RYR2: variants seen among roughly 807,000 people sequenced by gnomAD.
RYR2 encodes the protein cardiac muscle ryanodine receptor-calcium release channel.
A neutral mutation model predicts 601.1 loss-of-function variants in RYR2; 227 were observed. The observed-to-expected ratio is 0.38, with a 90% CI of 0.34 to 0.42. RYR2 has a LOEUF of 0.42. Among genes scored for constraint, RYR2 ranks in the 10% least tolerant of loss-of-function variants. The probability of loss-of-function intolerance (pLI) is 1.00; values close to 1 mark genes in which losing one functional copy is unlikely to be tolerated. For synonymous variants in RYR2, 2,223 were observed against 2,175.1 expected, an observed-to-expected ratio of 1.02 and a Z score of -0.61; for missense variants, 4,646 against 6,156.5, an observed-to-expected ratio of 0.75 and a Z score of 8.21.
intron 1 of RYR2, among the ~76,000 whole-genome samples, chr1:237,249,438 A>C (rs113003561): frequency 0.047 from 2,964 of 63,044 alleles, 95 homozygotes; most frequent in African/African-American, 0.12. Flanking sequence ...TATGGATATT[A>C]GTATTAGTAA....
chr1:237,362,628 T>C (rs1699871686), intron 4 of RYR2, among the ~76,000 whole-genome samples: 1 of 152,200 alleles, frequency 6.6e-6, no homozygotes, highest in South Asian at 2.1e-4. Flanking sequence ...TTTCTTCTTT[T>C]CCCTTAAACG....
rs780588693 is a variant in RYR2 at position 237,727,182 on chromosome 1, C to T, written c.10821C>T (p.Pro3607=). ...RAVVACFRMA[P]LYNLPRHRAV... The stretch of plus-strand genomic sequence containing the variant: ...TTGTAGCCTGCTTCCGGATGGCCCC[C>T]TTATATAATCTGCCAAGGTCGGAAT... Residue 3607 remains proline (P), a synonymous_variant, in exon 76 of 105, where the codon CCC becomes CCT. Coordinates refer to ENST00000366574, the MANE Select transcript of RYR2 (RefSeq NM_001035.3). The T allele has an allele frequency of 6.5e-7, 1 of 1,540,902 alleles. No individual in the cohort carries two copies. The highest frequency in any genetic ancestry group is 1.2e-5 in the South Asian group (1 of 81,610).
intron 34 of RYR2, among the ~76,000 whole-genome samples, chr1:237,598,288 A>C (rs1283502074): frequency 6.6e-6 from 1 of 152,242 alleles, no homozygotes; most frequent in African/African-American, 2.4e-5. Context: ...CAGCAGATTT[A>C]AACTGCACTC....
intron 1 of RYR2, among the ~76,000 whole-genome samples, chr1:237,253,600 G>T (rs1246822811): frequency 6.6e-6 from 1 of 152,202 alleles, no homozygotes; most frequent in Non-Finnish European, 1.5e-5. Flanking sequence ...CAGTACCTGT[G>T]TAAACTGAAT....
At position 237,828,342 on chromosome 1, in the gene RYR2, G is replaced by T. The variant is rs568787379; in HGVS notation, c.14591-39G>T. ...TAGCCAAGGAACTGAATTATTCATT[G>T]CTTGATAAAGATTAAATTGTGTTTT... On this transcript the variant is annotated intron_variant, in intron 101 of 104. Coordinates refer to ENST00000366574, the MANE Select transcript of RYR2 (RefSeq NM_001035.3). The T allele has an allele frequency of 1.5e-5, 21 of 1,401,462 alleles. No individual in the cohort carries two copies. The South Asian group carries it at 2.3e-4, about 15-fold the overall frequency. 86.8% of individuals were successfully genotyped at this position (1,401,462 alleles called of 1,614,324 possible).
At chr1:237,154,221 C>T (rs899107693) in intron 1 of RYR2, among the ~76,000 whole-genome samples, 1 of 152,168 alleles carries the variant, frequency 6.6e-6, no homozygotes, top group East Asian at 1.9e-4. Context: ...TTTAGATTTA[C>T]GTTTCCAAAC....
intron 3 of RYR2, 104 bp downstream of exon 3, chr1:237,331,086 G>T: frequency 1.1e-6 from 1 of 929,254 alleles, no homozygotes. Context: ...GCTAAAATAA[G>T]TCCATGCCTT....
chr1:237,480,041 G>T (rs1661862161), intron 17 of RYR2, among the ~76,000 whole-genome samples: 1 of 152,080 alleles, frequency 6.6e-6, no homozygotes, highest in African/African-American at 2.4e-5. Context: ...ACAGTGAATG[G>T]TCCATTTGAT....
At chr1:237,522,575 A>G (rs976586602) in intron 24 of RYR2, among the ~76,000 whole-genome samples, 2 of 152,170 alleles carry the variant, frequency 1.3e-5, no homozygotes, top group African/African-American at 4.8e-5. Flanking sequence ...TCTGTACTCC[A>G]CCGACCATAT....
rs567569997 is a variant in RYR2 at position 237,397,392 on chromosome 1, G to A, written c.773+9209G>A. Among the ~76,000 whole-genome samples the A allele has an allele frequency of 1.4e-3, 206 of 152,242 alleles. 1 individual carries two copies. The highest frequency in any genetic ancestry group is 4.6e-3 in the African/African-American group (191 of 41,540). On this transcript the variant is annotated intron_variant, in intron 10 of 104. Coordinates refer to ENST00000366574, the MANE Select transcript of RYR2 (RefSeq NM_001035.3). ...CAAGAAGCCTTGAGTAAATGGTCCC[G>A]AGGCCGTTATGTCACGACTATGTTT...
Position 237,649,867 on chromosome 1 carries a change from T to C in RYR2, c.7513-10T>C. 1 of 1,611,846 alleles carries C rather than the reference T, an allele frequency of 6.2e-7. No individual in the cohort carries two copies. Among genetic ancestry groups the C allele is most frequent in the Non-Finnish European group, 8.5e-7 (1 of 1,178,580 alleles). The stretch of plus-strand genomic sequence containing the variant: ...CACAAATGGCCTTCTACTCTCTGAT[T>C]CTTTTTCAGGCAGCTTTGAGTGCTA... On this transcript the variant is annotated splice_polypyrimidine_tract_variant and intron_variant, in intron 49 of 104. Coordinates refer to ENST00000366574, the MANE Select transcript of RYR2 (RefSeq NM_001035.3).
intron 1 of RYR2, among the ~76,000 whole-genome samples, chr1:237,198,802 CTG>C (rs1411341035): frequency 6.6e-6 from 1 of 151,106 alleles, no homozygotes; most frequent in Non-Finnish European, 1.5e-5. Context: ...CAGAAAATCA[CTG>C]TGGAAGAAAA....
At chr1:237,198,440 ATTTTT>A (rs145357805) in intron 1 of RYR2, among the ~76,000 whole-genome samples, 17 of 132,860 alleles carry the variant, frequency 1.3e-4, no homozygotes, top group East Asian at 2.2e-4. Flanking sequence ...TGTTTCCTTG[ATTTTT>A]TTTTTTTTTT....
At position 237,590,994 on chromosome 1, in the gene RYR2, TTAC is replaced by T; in HGVS notation, c.4160+5_4160+7del. ...AAAGCCCTCTCGTCTGAAACAAAGG[TTAC>T]TAATTTATACGCTGTGATTTTAAAT... is the stretch of plus-strand genomic sequence containing the variant. On this transcript the variant is annotated splice_donor_5th_base_variant and intron_variant, in intron 31 of 104. Coordinates refer to ENST00000366574, the MANE Select transcript of RYR2 (RefSeq NM_001035.3). The T allele has an allele frequency of 6.2e-7, 1 of 1,608,400 alleles. No homozygotes were observed. Among genetic ancestry groups the T allele is most frequent in the Non-Finnish European group, 8.5e-7 (1 of 1,176,938 alleles).
chr1:237,731,805 C>T (rs1025620622), intron 77 of RYR2, among the ~76,000 whole-genome samples: 1 of 151,700 alleles, frequency 6.6e-6, no homozygotes, highest in Non-Finnish European at 1.5e-5. Flanking sequence ...TACATATTTA[C>T]ACTTACATGC....
chr1:237,580,490 A>C (rs1673790805), intron 29 of RYR2, among the ~76,000 whole-genome samples: 1 of 151,842 alleles, frequency 6.6e-6, no homozygotes, highest in African/African-American at 2.4e-5. Flanking sequence ...AAAATGAAGA[A>C]ATGCCTTAAG....
chr1:237,359,490 G>C (rs189690105), intron 4 of RYR2, among the ~76,000 whole-genome samples: 1 of 152,058 alleles, frequency 6.6e-6, no homozygotes, highest in Admixed American at 6.6e-5. Context: ...TCTAGGGTGC[G>C]TTTACCACCA....
At position 237,590,901 on chromosome 1, in the gene RYR2, G is replaced by A. The variant is rs193922626; in HGVS notation, c.4069G>A (p.Asp1357Asn). The A allele has an allele frequency of 1.6e-5, 26 of 1,613,802 alleles. No homozygotes were observed. Among genetic ancestry groups the A allele is most frequent in the East Asian group, 4.5e-5 (2 of 44,840 alleles). ...MKTAHGHLVP[D>N]RVDKDKEATK... is the part of the protein sequence containing the mutation. ...GACAGCTCATGGCCATCTAGTGCCC[G>A]ATCGTGTTGACAAAGACAAAGAAGC... The change falls in exon 31 of 105, where the codon GAT becomes AAT. Residue 1357 changes from aspartate to asparagine, a missense_variant. Asp to Asn is a conservative substitution (Grantham distance 23, BLOSUM62 1). Transcript: ENST00000366574.
At chr1:237,125,087 A>G (rs1231491000) in intron 1 of RYR2, among the ~76,000 whole-genome samples, 1 of 152,208 alleles carries the variant, frequency 6.6e-6, no homozygotes, top group African/African-American at 2.4e-5. Context: ...TAACACGTGC[A>G]TTTTGCAGAT....
Sources: gnomAD v4.1 joint callset for allele counts (sites outside exome capture counted in the v4.1 genomes callset) on GRCh38, gnomAD v4.1.1 for gene constraint, MANE v1.5 for transcripts, NCBI Gene and HGNC (gene_info 2026-07-23, HGNC 2026-07-21) for gene names.